Variants in FRMD5 observed in about 807,000 individuals in gnomAD.
FRMD5 encodes FERM domain containing 5.
A neutral mutation model predicts 69.0 loss-of-function variants in FRMD5; 20 were observed. That is an observed-to-expected ratio of 0.29 (90% CI 0.20 to 0.42). The LOEUF is 0.42. Ranked by LOEUF, FRMD5 falls within the 10% of genes least tolerant of loss-of-function variation. The pLI is 1.00. For missense variants in FRMD5, 595 were observed against 708.6 expected (o/e 0.84, Z 1.82); for synonymous variants, 271 against 260.1 (o/e 1.04, Z -0.40).
intron 1 of FRMD5, among the ~76,000 whole-genome samples, chr15:44,087,117 C>G (rs1277653563): frequency 2.6e-5 from 4 of 152,186 alleles, no homozygotes; most frequent in Non-Finnish European, 5.9e-5. Context: ...CTCCCAGGTT[C>G]AAGCAATTCT....
intron 7 of FRMD5, among the ~76,000 whole-genome samples, chr15:43,899,077 T>C (rs544659222): frequency 6.6e-6 from 1 of 152,302 alleles, no homozygotes; most frequent in South Asian, 2.1e-4. Flanking sequence ...ATGCCCCAGA[T>C]TCCCTGGGCC....
upstream of FRMD5, among the ~76,000 whole-genome samples, chr15:44,196,090 A>C (rs935853211): frequency 3.3e-5 from 5 of 152,212 alleles, no homozygotes; most frequent in Non-Finnish European, 7.3e-5. Context: ...CCAAATTTAC[A>C]GACTTCAAGG....
rs561693719 is a variant in FRMD5, at chr15:44,161,285, A to T, written c.102+33668T>A. ...TTCCTCCAGAAAGTCTTCTCTAACC[A>T]TGCTCATCTTGAGTCAAGTGGTCCC... On this transcript the variant is annotated intron_variant, in intron 1 of 13. Coordinates refer to ENST00000417257, the MANE Select transcript of FRMD5 (RefSeq NM_032892.5). Among the ~76,000 whole-genome samples, 7 of 152,288 alleles carry T rather than the reference A, an allele frequency of 4.6e-5. No individual in the cohort carries two copies. The South Asian group carries it at 1.4e-3, about 32-fold the overall frequency.
At chr15:43,959,805 G>A (rs1346670541) in intron 1 of FRMD5, among the ~76,000 whole-genome samples, 1 of 152,124 alleles carries the variant, frequency 6.6e-6, no homozygotes, top group Non-Finnish European at 1.5e-5. Flanking sequence ...AATTCAATGA[G>A]TGAATTTGGT....
chr15:44,128,701 C>A (rs1027379431), intron 1 of FRMD5, among the ~76,000 whole-genome samples: 8 of 151,992 alleles, frequency 5.3e-5, no homozygotes, highest in Non-Finnish European at 1.0e-4. Flanking sequence ...AATAATATGA[C>A]TACTTTCAGG....
chr15:44,104,249 G>A (rs931951961), intron 1 of FRMD5, among the ~76,000 whole-genome samples: 1 of 152,156 alleles, frequency 6.6e-6, no homozygotes, highest in Non-Finnish European at 1.5e-5. Context: ...TTGTACAACT[G>A]TGCAATGTGT....
intron 1 of FRMD5, among the ~76,000 whole-genome samples, chr15:44,078,730 C>T (rs1330838966): frequency 6.6e-6 from 1 of 152,102 alleles, no homozygotes; most frequent in East Asian, 1.9e-4. Context: ...GGGATATCCA[C>T]ATGCAAAAGA....
At position 43,873,102 on chromosome 15, in the gene FRMD5, T is replaced by G. The variant is rs1167000279; in HGVS notation, c.*783A>C. 5.7e-6 allele frequency: 8 copies of G among 1,396,670 alleles called. No individual in the cohort carries two copies. In the Admixed American group the frequency reaches 6.9e-5, roughly 12 times the overall value. The allele number at this position is 1,396,670 out of a possible 1,614,324, so 86.5% of individuals were successfully genotyped here. On this transcript the variant is annotated 3_prime_UTR_variant, in exon 14 of 14. Coordinates refer to ENST00000417257, the MANE Select transcript of FRMD5 (RefSeq NM_032892.5). Reference sequence around the variant, plus strand: ...GTTCTTCGGAAAAAAAAAATCACGTTAAGTCTAGTTTCATTATACAAAACT... The same window carrying G: ...GTTCTTCGGAAAAAAAAAATCACGTGAAGTCTAGTTTCATTATACAAAACT...
chr15:43,879,639 C>T (rs1389859146), intron 13 of FRMD5: 6 of 398,970 alleles, frequency 1.5e-5, no homozygotes, highest in Non-Finnish European at 2.2e-5. Flanking sequence ...GACCCGGACT[C>T]TGGTGTGAAT....
chr15:44,174,079 C>T (rs998732276), intron 1 of FRMD5, among the ~76,000 whole-genome samples: 12 of 152,034 alleles, frequency 7.9e-5, no homozygotes, highest in African/African-American at 2.9e-4. Context: ...TTTCACTATA[C>T]CATTATTAAA....
chr15:44,054,945 C>CT (rs1273474493), intron 1 of FRMD5, among the ~76,000 whole-genome samples: 1 of 151,996 alleles, frequency 6.6e-6, no homozygotes, highest in Non-Finnish European at 1.5e-5. Flanking sequence ...TGGCATGCGC[C>CT]TGTAATCCCA....
Position 43,959,022 on chromosome 15 carries a change from G to A in FRMD5, c.103-34713C>T, listed in dbSNP as rs73404454. Among the ~76,000 whole-genome samples the A allele has an allele frequency of 5.7e-3, 865 of 152,266 alleles. 8 individuals carry two copies. Among genetic ancestry groups the A allele is most frequent in the African/African-American group, 0.02 (845 of 41,546 alleles). ...ATCCTCTGAAGGGAGCTGAAAAAAA[G>A]CCTTCTCAAGCCTTAACACAAAGAC... is the stretch of plus-strand genomic sequence containing the variant. On this transcript the variant is annotated intron_variant, in intron 1 of 13. Coordinates refer to ENST00000417257, the MANE Select transcript of FRMD5 (RefSeq NM_032892.5).
chr15:43,950,241 G>A (rs530245090), intron 1 of FRMD5, among the ~76,000 whole-genome samples: 2 of 152,264 alleles, frequency 1.3e-5, no homozygotes, highest in South Asian at 4.1e-4. Flanking sequence ...CTGTACAACC[G>A]GGAAGGTGGA....
intron 1 of FRMD5, among the ~76,000 whole-genome samples, chr15:44,058,130 G>T (rs2140369215): frequency 6.6e-6 from 1 of 152,228 alleles, no homozygotes; most frequent in South Asian, 2.1e-4. Flanking sequence ...CCAGGCCACA[G>T]AAGGACTTAT....
chr15:44,071,747 C>G (rs564551091), intron 1 of FRMD5, among the ~76,000 whole-genome samples: 1 of 152,238 alleles, frequency 6.6e-6, no homozygotes, highest in South Asian at 2.1e-4. Context: ...ACATTGGACT[C>G]TTGTGTTATT....
At chr15:44,139,452 C>T (rs1445874232) in intron 1 of FRMD5, among the ~76,000 whole-genome samples, 1 of 151,674 alleles carries the variant, frequency 6.6e-6, no homozygotes, top group African/African-American at 2.4e-5. Flanking sequence ...CTATACACTG[C>T]TTATGAGACA....
intron 1 of FRMD5, among the ~76,000 whole-genome samples, chr15:44,169,618 A>G (rs1175405129): frequency 6.6e-6 from 1 of 152,172 alleles, no homozygotes; most frequent in East Asian, 1.9e-4. Context: ...GTCAGGTTTT[A>G]TATGGGTTTC....
chr15:43,987,799 C>T (rs957012099), intron 1 of FRMD5, among the ~76,000 whole-genome samples: 3 of 152,196 alleles, frequency 2.0e-5, no homozygotes, highest in Non-Finnish European at 2.9e-5. Context: ...ATCCCACCTG[C>T]CTCGGCCTCC....
In FRMD5 at chr15:43,911,537, T is replaced by C. The variant is rs1373043967; in HGVS notation, c.330-1558A>G. 4.6e-5 allele frequency among the ~76,000 whole-genome samples: 7 copies of C among 152,324 alleles called. No homozygotes were observed. The East Asian group carries it at 1.4e-3, about 29-fold the overall frequency. On this transcript the variant is annotated intron_variant, in intron 4 of 13. Coordinates refer to ENST00000417257, the MANE Select transcript of FRMD5 (RefSeq NM_032892.5). ...ACCTCCAGTCAAGCCTGTGGATCAC[T>C]GCAGCCCCAGCCAACCTCCTGACTG...
Sources: gnomAD v4.1 joint callset for allele counts (sites outside exome capture counted in the v4.1 genomes callset) on GRCh38, gnomAD v4.1.1 for gene constraint, MANE v1.5 for transcripts, NCBI Gene and HGNC (gene_info 2026-07-23, HGNC 2026-07-21) for gene names.